IL1R2: variants seen among roughly 807,000 people sequenced by gnomAD.
The protein encoded by IL1R2 is interleukin-1 receptor type 2.
In IL1R2, 46 loss-of-function variants were observed where a neutral mutation model predicts 39.5. That is an observed-to-expected ratio of 1.16 (90% CI 0.92 to 1.49). The LOEUF (loss-of-function observed/expected upper bound fraction) is 1.49, where lower values mean the gene tolerates loss of function less well. Ranked by LOEUF, IL1R2 falls within the 40% of genes most tolerant of loss-of-function variation. The pLI is 0.00. For missense variants in IL1R2, 537 were observed against 502.0 expected, an observed-to-expected ratio of 1.07 and a Z score of -0.67; for synonymous variants, 207 against 189.6, an observed-to-expected ratio of 1.09 and a Z score of -0.75.
In IL1R2 at chr2:102,028,282, G is replaced by A. The variant is rs181563229; in HGVS notation, c.1087G>A (p.Val363Ile). ...GGCCCCACTTTCACTGGCCTTCTTGGTTTTGGGGGGAATATGGATGCACAG... is the reference window on the plus strand; with the variant it reads ...GGCCCCACTTTCACTGGCCTTCTTGATTTTGGGGGGAATATGGATGCACAG... ...VLAPLSLAFL[V>I]LGGIWMHRRC... Residue 363 changes from valine (V) to isoleucine (I), a missense_variant, in exon 9 of 9, where the codon GTT (valine) becomes ATT (isoleucine). Coordinates refer to ENST00000332549, the MANE Select transcript of IL1R2 (RefSeq NM_004633.4). The A allele has an allele frequency of 3.7e-6, 6 of 1,612,782 alleles. No individual in the cohort carries two copies. The Admixed American group carries it at 1.0e-4, about 27-fold the overall frequency.
At chr2:102,023,462 C>G (rs1262856222) in intron 6 of IL1R2, 1 of 152,206 alleles carries the variant, frequency 6.6e-6, no homozygotes, top group Admixed American at 6.5e-5. Context: ...GTGGTGGGGC[C>G]ACGTGACACT....
At position 102,024,649 on chromosome 2, in the gene IL1R2, G is replaced by A. The variant is rs780802660; in HGVS notation, c.868G>A (p.Val290Met). 1.1e-5 allele frequency: 17 copies of A among 1,613,992 alleles called. No individual in the cohort carries two copies. Among genetic ancestry groups the A allele is most frequent in the Middle Eastern group, 1.6e-4 (1 of 6,084 alleles). ...HIESAYPGGR[V>M]TEGPRQEYSE... ...AGAGAGCGCCTACCCGGGAGGCCGCGTGACCGAGGGGCCACGCCAGTAAGT... is the reference window on the plus strand; with the variant it reads ...AGAGAGCGCCTACCCGGGAGGCCGCATGACCGAGGGGCCACGCCAGTAAGT... Residue 290 changes from valine (V) to methionine (M), a missense_variant, in exon 7 of 9, where the codon GTG becomes ATG. Physicochemically the swap from Val to Met is conservative, Grantham distance 21. Transcript: ENST00000332549.
intron 2 of IL1R2, among the ~76,000 whole-genome samples, chr2:102,009,011 G>A (rs1446129435): frequency 2.6e-5 from 4 of 151,738 alleles, no homozygotes; most frequent in Non-Finnish European, 4.4e-5. Flanking sequence ...CAGGGCAACA[G>A]AGTGAGACCC....
chr2:101,994,440 T>A (rs1333382951), intron 1 of IL1R2, among the ~76,000 whole-genome samples: 1 of 152,196 alleles, frequency 6.6e-6, no homozygotes, highest in Non-Finnish European at 1.5e-5. Context: ...AGACACTCGA[T>A]CATGACAGTG....
At chr2:102,001,402 T>A (rs186726328) in intron 1 of IL1R2, among the ~76,000 whole-genome samples, 1 of 152,232 alleles carries the variant, frequency 6.6e-6, no homozygotes, top group African/African-American at 2.4e-5. Context: ...CAAAGATGGG[T>A]CTCCCTGCAA....
At chr2:102,000,105 T>C (rs1011813188) in intron 1 of IL1R2, among the ~76,000 whole-genome samples, 32 of 152,224 alleles carry the variant, frequency 2.1e-4, no homozygotes, top group African/African-American at 7.0e-4. Context: ...GAAGGGCTGA[T>C]TTCTCATCAC....
At position 102,009,662 on chromosome 2, in the gene IL1R2, G is replaced by C. The variant is rs774198156; in HGVS notation, c.168G>C (p.Trp56Cys). The C allele has an allele frequency of 1.9e-6, 3 of 1,614,200 alleles. No individual in the cohort carries two copies. Among genetic ancestry groups the C allele is most frequent in the Middle Eastern group, 3.3e-4 (2 of 6,062 alleles). The change falls in exon 3 of 9, where the codon TGG (tryptophan) becomes TGC (cysteine). Residue 56 changes from tryptophan to cysteine, a missense_variant. By Grantham distance (215) the Trp-to-Cys change is radical. Coordinates refer to ENST00000332549, the MANE Select transcript of IL1R2 (RefSeq NM_004633.4). ...VALRCPQVPY[W>C]LWASVSPRIN... Reference sequence around the variant, plus strand: ...TGAGGTGCCCCCAGGTGCCCTACTGGTTGTGGGCCTCTGTCAGCCCCCGCA... The same window carrying C: ...TGAGGTGCCCCCAGGTGCCCTACTGCTTGTGGGCCTCTGTCAGCCCCCGCA...
intron 1 of IL1R2, among the ~76,000 whole-genome samples, chr2:101,996,485 GTTTTT>G (rs11382814): frequency 3.6e-5 from 3 of 82,406 alleles, no homozygotes; most frequent in Admixed American, 1.7e-4. Flanking sequence ...TGTTTTCAGT[GTTTTT>G]TTTTTTTTTT....
chr2:101,999,872 A>G (rs1329892810), intron 1 of IL1R2, among the ~76,000 whole-genome samples: 2 of 152,184 alleles, frequency 1.3e-5, no homozygotes, highest in East Asian at 3.9e-4. Flanking sequence ...TAAGCACGCA[A>G]CATTTATATT....
chr2:102,027,996 C>T (rs1319784533), intron 8 of IL1R2, among the ~76,000 whole-genome samples: 8 of 152,184 alleles, frequency 5.3e-5, no homozygotes, highest in African/African-American at 2.4e-5. Flanking sequence ...ACTTACCCTA[C>T]GATGTTTCTA....
intron 1 of IL1R2, among the ~76,000 whole-genome samples, chr2:102,003,667 T>G (rs1420345279): frequency 1.5e-5 from 2 of 136,594 alleles, no homozygotes; most frequent in South Asian, 2.5e-4. Context: ...TGTGGCTGTG[T>G]CTGTGTCGGT....
chr2:102,026,960 C>T (rs1677780676), intron 8 of IL1R2, among the ~76,000 whole-genome samples: 1 of 152,172 alleles, frequency 6.6e-6, no homozygotes, highest in Non-Finnish European at 1.5e-5. Flanking sequence ...ACAAATTGCT[C>T]CAGGTCTCCA....
chr2:102,013,144 T>A (rs1559420917), intron 3 of IL1R2, among the ~76,000 whole-genome samples: 1 of 152,098 alleles, frequency 6.6e-6, no homozygotes, highest in Non-Finnish European at 1.5e-5. Context: ...TGTCTTAAAG[T>A]TTGCTTTTAT....
intron 1 of IL1R2, among the ~76,000 whole-genome samples, chr2:101,996,833 T>C (rs1350178579): frequency 6.6e-6 from 1 of 151,912 alleles, no homozygotes; most frequent in Non-Finnish European, 1.5e-5. Context: ...TCACTACAAA[T>C]TGACGCCAAA....
chr2:102,019,392 C>T (rs1677214706), intron 4 of IL1R2, among the ~76,000 whole-genome samples: 1 of 151,932 alleles, frequency 6.6e-6, no homozygotes, highest in South Asian at 2.1e-4. Flanking sequence ...TTTTTTTCCC[C>T]TTGGACAAAT....
At chr2:102,005,147 C>T (rs1427375896) in intron 1 of IL1R2, among the ~76,000 whole-genome samples, 5 of 152,198 alleles carry the variant, frequency 3.3e-5, no homozygotes, top group Non-Finnish European at 7.3e-5. Context: ...ATGGCACAGC[C>T]TGGATTTCTG....
intron 7 of IL1R2, among the ~76,000 whole-genome samples, chr2:102,025,786 C>CTTGTTTTTTTTTGTTGT (rs1559431434): frequency 7.2e-5 from 11 of 152,194 alleles, no homozygotes; most frequent in African/African-American, 2.7e-4. Flanking sequence ...CTAGACGTTT[C>CTTGTTTTTTTTTGTTGT]TGTTCCCATG....
chr2:102,002,489 G>A (rs567734943), intron 1 of IL1R2, among the ~76,000 whole-genome samples: 73 of 151,704 alleles, frequency 4.8e-4, no homozygotes, highest in Non-Finnish European at 8.1e-4. Context: ...CTGTGTCTGT[G>A]TCTGTGTCCG....
At chr2:102,015,526 C>T (rs553648069) in intron 3 of IL1R2, among the ~76,000 whole-genome samples, 9 of 152,320 alleles carry the variant, frequency 5.9e-5, no homozygotes, top group Middle Eastern at 3.4e-3. Flanking sequence ...CCCAACATCA[C>T]AACTTAGCCT....
Sources: allele counts gnomAD v4.1 joint callset (sites outside exome capture counted in the v4.1 genomes callset), GRCh38; gene constraint gnomAD v4.1.1; transcripts MANE v1.5; gene names NCBI Gene and HGNC (gene_info 2026-07-23, HGNC 2026-07-21).